Variants in LIMK1 observed in about 807,000 individuals in gnomAD.
LIMK1 encodes LIM motif-containing protein kinase.
LIMK1 carries 21 observed loss-of-function variants against 77.6 expected under a neutral mutation model. The observed-to-expected ratio is 0.27, with a 90% CI of 0.19 to 0.39. LIMK1 has a LOEUF of 0.39. Among genes scored for constraint, LIMK1 ranks in the 10% least tolerant of loss-of-function variants. The pLI is 1.00. For missense variants in LIMK1, 696 were observed against 901.6 expected, an observed-to-expected ratio of 0.77 and a Z score of 2.92; for synonymous variants, 358 against 370.0, an observed-to-expected ratio of 0.97 and a Z score of 0.37.
rs563988843 is a variant in LIMK1 at position 74,103,938 on chromosome 7, G to A, written c.609-1937G>A. Reference sequence around the variant, plus strand: ...GCCTCTCGAGTAGCTGGGACTACAGGCAGCACCACCATGCCTGGCTAATTT... The same window carrying A: ...GCCTCTCGAGTAGCTGGGACTACAGACAGCACCACCATGCCTGGCTAATTT... On this transcript the variant is annotated intron_variant, in intron 5 of 15. Coordinates refer to ENST00000336180, the MANE Select transcript of LIMK1 (RefSeq NM_002314.4). Among the ~76,000 whole-genome samples, 282 of 152,140 alleles carry A rather than the reference G, an allele frequency of 1.9e-3. 2 individuals are homozygous for A. The highest frequency in any genetic ancestry group is 3.2e-3 in the Non-Finnish European group (216 of 68,012).
intron 12 of LIMK1, among the ~76,000 whole-genome samples, chr7:74,112,780 G>A (rs781943903): frequency 1.3e-5 from 2 of 151,984 alleles, no homozygotes; most frequent in African/African-American, 2.4e-5. Flanking sequence ...AGCCAAGATC[G>A]CGCCACCGCA....
At chr7:74,111,594 C>T (rs1373380239) in intron 10 of LIMK1, 54 bp from the exon 11 acceptor site, 2 of 1,453,524 alleles carry the variant, frequency 1.4e-6, no homozygotes, top group Non-Finnish European at 1.9e-6. Context: ...TGCAACCATC[C>T]CTGCCATCGG....
At chr7:74,088,024 C>T (rs978359748) in intron 2 of LIMK1, among the ~76,000 whole-genome samples, 1 of 152,156 alleles carries the variant, frequency 6.6e-6, no homozygotes, top group Non-Finnish European at 1.5e-5. Context: ...ATCCTTCTGA[C>T]TCAGCCTCCC....
chr7:74,096,970 G>T, intron 3 of LIMK1, 110 bp from the exon 4 acceptor site: 1 of 1,048,236 alleles, frequency 9.5e-7, no homozygotes. Context: ...GGCCAGCCGG[G>T]TCCCTGCAGT....
At chr7:74,119,643 C>A (rs986306279) in intron 13 of LIMK1, among the ~76,000 whole-genome samples, 1 of 151,674 alleles carries the variant, frequency 6.6e-6, no homozygotes, top group South Asian at 2.1e-4. Flanking sequence ...CACAGTGGCT[C>A]ACACCTGTAA....
At chr7:74,084,874 C>CT (rs1380743351) in intron 1 of LIMK1, among the ~76,000 whole-genome samples, 4 of 152,188 alleles carry the variant, frequency 2.6e-5, no homozygotes, top group African/African-American at 9.7e-5. Context: ...ACACCTCCCC[C>CT]TGCCACCAAC....
At chr7:74,112,764 G>A (rs1242194990) in intron 12 of LIMK1, among the ~76,000 whole-genome samples, 2 of 152,040 alleles carry the variant, frequency 1.3e-5, no homozygotes, top group Non-Finnish European at 2.9e-5. Context: ...GGCGGAACTT[G>A]CAGTGAGCCA....
Position 74,120,976 on chromosome 7 carries a change from TACTGCCCCCCAA to T in LIMK1, c.1719_1730del (p.Asn574_Pro577del). 6.2e-7 allele frequency: 1 copy of T among 1,613,550 alleles called. No homozygotes were observed. Among genetic ancestry groups the T allele is most frequent in the Non-Finnish European group, 8.5e-7 (1 of 1,179,788 alleles). On this transcript the variant is annotated inframe_deletion, in exon 15 of 16. Transcript: ENST00000336180. ...CAACGTGCGAGGATTCCTGGACCGCTACTGCCCCCCAAACTGCCCCCCGAGCTTCTTCCCCAT... is the reference window on the plus strand; with the variant it reads ...CAACGTGCGAGGATTCCTGGACCGCTACTGCCCCCCGAGCTTCTTCCCCAT...
chr7:74,116,861 C>G (rs782380720), intron 13 of LIMK1, among the ~76,000 whole-genome samples: 3 of 151,792 alleles, frequency 2.0e-5, no homozygotes, highest in Non-Finnish European at 4.4e-5. Flanking sequence ...AACACCACAC[C>G]CAGCTAATTT....
intron 12 of LIMK1, among the ~76,000 whole-genome samples, chr7:74,113,596 G>A (rs933184954): frequency 1.2e-4 from 18 of 151,858 alleles, no homozygotes; most frequent in Admixed American, 1.3e-4. Context: ...CTGCACTCCA[G>A]CCTGGGTGAT....
At chr7:74,118,390 A>T (rs903553995) in intron 13 of LIMK1, among the ~76,000 whole-genome samples, 6 of 140,822 alleles carry the variant, frequency 4.3e-5, no homozygotes, top group South Asian at 2.2e-4. Flanking sequence ...ACACACACAC[A>T]CACACACACA....
chr7:74,113,077 T>C (rs1184780229), intron 12 of LIMK1, among the ~76,000 whole-genome samples: 3 of 152,086 alleles, frequency 2.0e-5, no homozygotes, highest in Admixed American at 6.6e-5. Context: ...TCCCAGCAAT[T>C]TGGGAGGCCA....
intron 3 of LIMK1, 47 bp from the exon 4 acceptor site, chr7:74,097,033 T>A: frequency 7.0e-7 from 1 of 1,434,162 alleles, no homozygotes; most frequent in Non-Finnish European, 9.7e-7. Flanking sequence ...CTGTGGGGGT[T>A]GTTGGGTCTG....
chr7:74,096,649 G>A lies in LIMK1; in HGVS notation c.180G>A (p.Ser60=), dbSNP rs116091169. The change falls in exon 3 of 16, where the codon TCG becomes TCA. Residue 60 remains serine (S), a synonymous_variant. Coordinates refer to ENST00000336180, the MANE Select transcript of LIMK1 (RefSeq NM_002314.4). The part of the protein sequence containing the change: ...FRCCDCSASL[S]HQYYEKDGQL... The stretch of plus-strand genomic sequence containing the variant: ...GTTGTGACTGCAGTGCCTCCCTGTC[G>A]CACCAGTACTATGAGAAGGATGGGC... 37 of 1,614,032 alleles carry A rather than the reference G, an allele frequency of 2.3e-5. No individual in the cohort carries two copies. In the East Asian group the frequency reaches 4.7e-4, roughly 20 times the overall value.
intron 10 of LIMK1, chr7:74,111,386 T>C (rs1799695318): frequency 2.1e-6 from 1 of 482,750 alleles, no homozygotes; most frequent in Non-Finnish European, 3.8e-6. Context: ...TGTAGGGAGC[T>C]GAGATGGTAC....
At chr7:74,102,091 T>C (rs1289503235) in intron 5 of LIMK1, among the ~76,000 whole-genome samples, 1 of 152,176 alleles carries the variant, frequency 6.6e-6, no homozygotes, top group Non-Finnish European at 1.5e-5. Flanking sequence ...CCCAAAGTGC[T>C]AGGATTACAA....
At chr7:74,104,668 C>T (rs1275644539) in intron 5 of LIMK1, among the ~76,000 whole-genome samples, 31 of 151,922 alleles carry the variant, frequency 2.0e-4, no homozygotes, top group Admixed American at 1.7e-3. Context: ...TCCCTAACAC[C>T]GAAGAGTTAA....
intron 2 of LIMK1, among the ~76,000 whole-genome samples, chr7:74,092,842 G>A (rs1161219712): frequency 1.3e-5 from 2 of 152,162 alleles, no homozygotes; most frequent in Non-Finnish European, 2.9e-5. Context: ...TCCCTTGGGG[G>A]CAGCAGTGGA....
chr7:74,114,081 C>G, intron 12 of LIMK1, among the ~76,000 whole-genome samples: 1 of 152,044 alleles, frequency 6.6e-6, no homozygotes, highest in Admixed American at 6.6e-5. Flanking sequence ...TGAGACCCCT[C>G]TCTACTAAAA....
Sources: allele counts gnomAD v4.1 joint callset (sites outside exome capture counted in the v4.1 genomes callset), GRCh38; gene constraint gnomAD v4.1.1; transcripts MANE v1.5; gene names NCBI Gene and HGNC (gene_info 2026-07-23, HGNC 2026-07-21).